Variants in PTPN21 observed in about 807,000 individuals in gnomAD.
PTPN21 encodes tyrosine-protein phosphatase non-receptor type 21.
PTPN21 carries 77 observed loss-of-function variants against 131.8 expected under a neutral mutation model. The ratio of observed to expected loss-of-function variants is 0.58; its 90% confidence interval spans 0.49 to 0.71. The LOEUF is 0.71. PTPN21 is among the 30% of genes least tolerant of loss of function. The probability of loss-of-function intolerance (pLI) is 0.00; values close to 1 mark genes in which losing one functional copy is unlikely to be tolerated. For synonymous variants in PTPN21, 715 were observed against 621.3 expected (o/e 1.15, Z -2.24); for missense variants, 1,552 against 1,527.1 (o/e 1.02, Z -0.27).
At chr14:88,552,699 A>C (rs946501797) in intron 1 of PTPN21, among the ~76,000 whole-genome samples, 2 of 152,200 alleles carry the variant, frequency 1.3e-5, no homozygotes, top group Admixed American at 6.5e-5. Flanking sequence ...CTATGGAGGG[A>C]AACAGAAAAT....
chr14:88,513,986 G>A (rs2078224391), intron 3 of PTPN21: 1 of 152,176 alleles, frequency 6.6e-6, no homozygotes, highest in African/African-American at 2.4e-5. Flanking sequence ...ACCATACCAG[G>A]TACACAGTAT....
chr14:88,474,017 A>T (rs2077510265), intron 13 of PTPN21: 1 of 440,376 alleles, frequency 2.3e-6, no homozygotes. Flanking sequence ...AGTCTTCCAG[A>T]TAGAAGGTTT....
chr14:88,539,407 G>A (rs1310974146), intron 2 of PTPN21, among the ~76,000 whole-genome samples: 2 of 151,930 alleles, frequency 1.3e-5, no homozygotes, highest in Non-Finnish European at 2.9e-5. Context: ...GCACCACCAT[G>A]GCCAGCAATA....
intron 10 of PTPN21, among the ~76,000 whole-genome samples, chr14:88,486,537 T>C (rs1343780019): frequency 6.6e-6 from 1 of 151,872 alleles, no homozygotes; most frequent in Non-Finnish European, 1.5e-5. Flanking sequence ...TATAAAAAAA[T>C]TTCAAACCTA....
intron 2 of PTPN21, among the ~76,000 whole-genome samples, chr14:88,529,856 C>T (rs188081213): frequency 6.6e-6 from 1 of 152,116 alleles, no homozygotes; most frequent in African/African-American, 2.4e-5. Flanking sequence ...GTGGCAGGAA[C>T]CTGTAATCCC....
chr14:88,496,322 T>G lies in PTPN21; in HGVS notation c.932+91A>C. Reference sequence around the variant, plus strand: ...AGGATCAAGAAAAGATGTCAACTGATAAAATGTCTTTCTTGATGATACAGT... The same window carrying G: ...AGGATCAAGAAAAGATGTCAACTGAGAAAATGTCTTTCTTGATGATACAGT... On this transcript the variant is annotated intron_variant, in intron 10 of 18. Transcript: ENST00000556564. 2.5e-6 allele frequency: 3 copies of G among 1,191,408 alleles called. No homozygotes were observed. In the East Asian group the frequency reaches 7.1e-5, roughly 28 times the overall value. The allele number at this position is 1,191,408 out of a possible 1,614,324, so 73.8% of individuals were successfully genotyped here.
intron 10 of PTPN21, among the ~76,000 whole-genome samples, chr14:88,488,907 A>G (rs73315937): frequency 0.037 from 5,616 of 152,266 alleles, 353 homozygotes; most frequent in African/African-American, 0.13. Context: ...AGGACTGTAC[A>G]TGATTATCTC....
chr14:88,506,778 A>C (rs908155660), intron 4 of PTPN21, among the ~76,000 whole-genome samples: 1 of 152,196 alleles, frequency 6.6e-6, no homozygotes. Context: ...ACGGTGGCTC[A>C]CATCTATAAT....
chr14:88,548,921 C>T (rs1347058836), intron 2 of PTPN21, among the ~76,000 whole-genome samples: 2 of 152,160 alleles, frequency 1.3e-5, no homozygotes, highest in African/African-American at 4.8e-5. Flanking sequence ...GACTAGTTAG[C>T]AGAGCTTACA....
Position 88,468,109 on chromosome 14 carries a change from G to A in PTPN21, c.*28C>T. The A allele has an allele frequency of 6.2e-7, 1 of 1,612,252 alleles. No homozygotes were observed. Among genetic ancestry groups the A allele is most frequent in the Non-Finnish European group, 8.5e-7 (1 of 1,178,496 alleles). On this transcript the variant is annotated 3_prime_UTR_variant, in exon 19 of 19. Coordinates refer to ENST00000556564, the MANE Select transcript of PTPN21 (RefSeq NM_007039.4). ...TTTTTAAGCTGTAAACGCTTCACAT[G>A]ACTGGCCCCGTAAGAAATTGTGGGA...
chr14:88,495,155 T>A (rs1293924316), intron 10 of PTPN21, among the ~76,000 whole-genome samples: 1 of 150,220 alleles, frequency 6.7e-6, no homozygotes, highest in Non-Finnish European at 1.5e-5. Context: ...GAAGGCTACC[T>A]CAGTATTCTG....
At chr14:88,487,864 G>A (rs930818227) in intron 10 of PTPN21, among the ~76,000 whole-genome samples, 5 of 151,710 alleles carry the variant, frequency 3.3e-5, no homozygotes, top group African/African-American at 9.7e-5. Flanking sequence ...TACTCAGGAC[G>A]CTGAGGCAGG....
rs752168766 is a variant in PTPN21, at chr14:88,479,532, G to C, written c.1899C>G (p.His633Gln). The change falls in exon 13 of 19, where the codon CAC becomes CAG. Residue 633 changes from histidine to glutamine, a missense_variant. Transcript: ENST00000556564. ...PLTAARHAQL[H>Q]KRNSIEVAGL... ...CGGCCACCTCGATGCTGTTCCGTTT[G>C]TGCAGCTGCGCGTGGCGCGCGGCGG... 2.5e-6 allele frequency: 4 copies of C among 1,600,302 alleles called. No homozygotes were observed. The highest frequency in any genetic ancestry group is 1.1e-5 in the South Asian group (1 of 91,012).
intron 4 of PTPN21, among the ~76,000 whole-genome samples, chr14:88,507,398 C>A (rs1207389560): frequency 6.6e-6 from 1 of 152,134 alleles, no homozygotes; most frequent in Non-Finnish European, 1.5e-5. Flanking sequence ...GTGGTGCAGC[C>A]TACTCCACAC....
At position 88,550,228 on chromosome 14, in the gene PTPN21, G is replaced by A. The variant is rs755526259; in HGVS notation, c.180+10C>T. On this transcript the variant is annotated intron_variant, in intron 2 of 18. Coordinates refer to ENST00000556564, the MANE Select transcript of PTPN21 (RefSeq NM_007039.4). ...CCGCGCCTGGCCTGCAGTGTCTTTA[G>A]GTGGCTTACCTCCCGCAGCTCCAGC... 6.2e-7 allele frequency: 1 copy of A among 1,611,616 alleles called. No homozygotes were observed. The highest frequency in any genetic ancestry group is 8.5e-7 in the Non-Finnish European group (1 of 1,179,100).
intron 10 of PTPN21, among the ~76,000 whole-genome samples, chr14:88,495,232 C>T (rs912658054): frequency 1.3e-5 from 2 of 152,050 alleles, no homozygotes; most frequent in African/African-American, 4.8e-5. Flanking sequence ...GGTTTCATAC[C>T]ACATCCAATT....
intron 10 of PTPN21, among the ~76,000 whole-genome samples, chr14:88,493,662 C>T (rs973638229): frequency 1.3e-5 from 2 of 152,152 alleles, no homozygotes; most frequent in Non-Finnish European, 2.9e-5. Flanking sequence ...CGTGGGGGGC[C>T]AAGTGGGAGG....
At chr14:88,497,384 A>G in intron 8 of PTPN21, 94 bp from the exon 9 acceptor site, 1 of 967,160 alleles carries the variant, frequency 1.0e-6, no homozygotes, top group Non-Finnish European at 1.6e-6. Flanking sequence ...CTGACGTGTA[A>G]GTTAGCATTT....
intron 2 of PTPN21, among the ~76,000 whole-genome samples, chr14:88,524,415 T>C (rs1258936385): frequency 6.6e-6 from 1 of 152,010 alleles, no homozygotes; most frequent in African/African-American, 2.4e-5. Flanking sequence ...CAACTGAAGA[T>C]CCACATACGA....
Sources: gnomAD v4.1 joint callset for allele counts (sites outside exome capture counted in the v4.1 genomes callset) on GRCh38, gnomAD v4.1.1 for gene constraint, MANE v1.5 for transcripts, NCBI Gene and HGNC (gene_info 2026-07-23, HGNC 2026-07-21) for gene names.